The following C18orf54 variants were observed in gnomAD, a reference collection of about 807,000 sequenced individuals.
The protein encoded by C18orf54 is chromosome 18 open reading frame 54.
C18orf54 carries 49 observed loss-of-function variants against 49.3 expected under a neutral mutation model. The observed-to-expected ratio is 0.99, with a 90% CI of 0.79 to 1.26. The LOEUF is 1.26. C18orf54 is among the 50% of genes most tolerant of loss of function. The pLI, the probability that C18orf54 is intolerant of heterozygous loss-of-function variation, is 0.00. For missense variants in C18orf54, 687 were observed against 620.6 expected (o/e 1.11, Z -1.14); for synonymous variants, 211 against 216.6 (o/e 0.97, Z 0.23).
rs1229632323 is a variant in C18orf54 at position 54,362,217 on chromosome 18, T to G, written c.858T>G (p.Asp286Glu). 2 of 1,536,272 alleles carry G rather than the reference T, an allele frequency of 1.3e-6. No individual in the cohort carries two copies. Among genetic ancestry groups the G allele is most frequent in the African/African-American group, 2.7e-5 (2 of 73,060 alleles). Residue 286 changes from aspartate to glutamate, a missense_variant, in exon 4 of 9, where the codon GAT becomes GAG. Coordinates refer to ENST00000620105, the MANE Select transcript of C18orf54 (RefSeq NM_001288980.2). ...SQRVYQIFKDDQCSPRHSHQA... is the reference protein window; with the variant it reads ...SQRVYQIFKDEQCSPRHSHQA... ...GGGTTTATCAGATATTTAAAGATGATCAGTGTTCCCCTAGACATAGTCATC... is the reference window on the plus strand; with the variant it reads ...GGGTTTATCAGATATTTAAAGATGAGCAGTGTTCCCCTAGACATAGTCATC...
intron 8 of C18orf54, 70 bp downstream of exon 8, chr18:54,374,354 G>C (rs1013239740): frequency 1.4e-6 from 2 of 1,456,436 alleles, no homozygotes; most frequent in African/African-American, 2.9e-5. Flanking sequence ...AAAGTTACAG[G>C]GTAGAAGTAA....
At chr18:54,371,466 C>G (rs1274892600) in intron 6 of C18orf54, among the ~76,000 whole-genome samples, 2 of 152,130 alleles carry the variant, frequency 1.3e-5, no homozygotes, top group African/African-American at 4.8e-5. Flanking sequence ...ATACAAATAT[C>G]TACCCAAGTC....
intron 3 of C18orf54, among the ~76,000 whole-genome samples, chr18:54,361,297 A>G (rs975553727): frequency 1.3e-5 from 2 of 152,174 alleles, no homozygotes; most frequent in East Asian, 3.8e-4. Flanking sequence ...GTTTAATAGC[A>G]TATTTTTTTC....
chr18:54,371,223 G>A (rs1264293916), intron 6 of C18orf54, among the ~76,000 whole-genome samples: 1 of 151,840 alleles, frequency 6.6e-6, no homozygotes, highest in Non-Finnish European at 1.5e-5. Flanking sequence ...TAGGAACCTC[G>A]TGTAAGAAGA....
At chr18:54,375,360 G>A (rs981267603) in intron 8 of C18orf54, among the ~76,000 whole-genome samples, 1 of 151,224 alleles carries the variant, frequency 6.6e-6, no homozygotes, top group Non-Finnish European at 1.5e-5. Context: ...GCGGGATTCA[G>A]ATCAGGTAGT....
At chr18:54,362,979 A>C (rs1304447776) in intron 5 of C18orf54, 58 bp downstream of exon 5, 3 of 1,472,270 alleles carry the variant, frequency 2.0e-6, no homozygotes, top group Non-Finnish European at 2.8e-6. Flanking sequence ...TGTCATGCGA[A>C]TATCTGATTT....
chr18:54,366,226 T>G (rs1042679544), intron 6 of C18orf54, among the ~76,000 whole-genome samples: 1 of 151,950 alleles, frequency 6.6e-6, no homozygotes, highest in African/African-American at 2.4e-5. Flanking sequence ...CTAGGACTTA[T>G]TTTTTCTATC....
intron 6 of C18orf54, among the ~76,000 whole-genome samples, chr18:54,369,831 A>C (rs555570313): frequency 3.8e-4 from 58 of 152,168 alleles, no homozygotes; most frequent in Non-Finnish European, 7.4e-4. Context: ...TTCCAGAGTT[A>C]CTTAGGTTAT....
At position 54,361,607 on chromosome 18, in the gene C18orf54, T is replaced by A. The variant is rs752519706; in HGVS notation, c.284-36T>A. 4.0e-6 allele frequency: 6 copies of A among 1,491,308 alleles called. No individual in the cohort carries two copies. The East Asian group carries it at 1.4e-4, about 35-fold the overall frequency. The allele number at this position is 1,491,308 out of a possible 1,614,324, so 92.4% of individuals were successfully genotyped here. A position where few individuals can be genotyped will look rare whatever the true frequency, so the allele number is the denominator to read the frequency against. ...TTACTGTTGGATATTATAAAATATT[T>A]GTATGTAATAAACAAAACTGTTCTT... On this transcript the variant is annotated intron_variant, in intron 3 of 8. Transcript: ENST00000620105.
intron 7 of C18orf54, among the ~76,000 whole-genome samples, chr18:54,372,961 T>C (rs2089515206): frequency 6.6e-6 from 1 of 151,946 alleles, no homozygotes; most frequent in African/African-American, 2.4e-5. Context: ...TAGAAAACTT[T>C]TTCAACATTA....
intron 8 of C18orf54, 126 bp from the exon 9 acceptor site, chr18:54,378,048 A>T: frequency 2.0e-6 from 1 of 509,258 alleles, no homozygotes; most frequent in Non-Finnish European, 3.3e-6. Context: ...CTCAAAGTTT[A>T]TATAAATTTA....
chr18:54,365,763 C>T lies in C18orf54; in HGVS notation c.1268C>T (p.Thr423Ile), dbSNP rs946972654. Reference protein sequence around the residue: ...PVNSDDSPQQTSRAKSAKGVL... With the variant: ...PVNSDDSPQQISRAKSAKGVL... ...AACTCTGATGATAGTCCTCAACAAA[C>T]TTCAAGGGCAAAGAGTGCTAAAGGG... is the stretch of plus-strand genomic sequence containing the variant. The change falls in exon 6 of 9, where the codon ACT becomes ATT. Residue 423 changes from threonine to isoleucine, a missense_variant. By Grantham distance (89) the Thr-to-Ile change is moderately conservative. Transcript: ENST00000620105. 1.2e-6 allele frequency: 2 copies of T among 1,600,822 alleles called. No individual in the cohort carries two copies.
At chr18:54,358,284 G>A (rs970515156) in intron 1 of C18orf54, among the ~76,000 whole-genome samples, 2 of 152,268 alleles carry the variant, frequency 1.3e-5, no homozygotes, top group Admixed American at 1.3e-4. Flanking sequence ...TGTAGGGGGA[G>A]TGCCCCCTGG....
At chr18:54,363,567 C>G (rs1470703790) in intron 5 of C18orf54, among the ~76,000 whole-genome samples, 1 of 152,142 alleles carries the variant, frequency 6.6e-6, no homozygotes, top group African/African-American at 2.4e-5. Context: ...CCGCCCGCCT[C>G]TGCCTCCCAA....
In C18orf54 at chr18:54,361,947, T is replaced by A. The variant is rs1332449549; in HGVS notation, c.588T>A (p.Cys196Ter). The A allele has an allele frequency of 6.2e-7, 1 of 1,614,134 alleles. No individual in the cohort carries two copies. ...VIRSNINGKQCGRLKNPKLMN... is the reference protein window; with the variant it reads ...VIRSNINGKQ ...GCTCAAATATAAATGGAAAGCAATG[T>A]GGTAGGCTGAAAAACCCAAAACTTA... Residue 196 changes from cysteine to a stop codon, truncating the protein, a stop_gained, in exon 4 of 9, where the codon TGT (cysteine) becomes TGA (stop). Transcript: ENST00000620105. LOFTEE classifies it high-confidence loss of function.
chr18:54,363,776 A>G (rs909360811), intron 5 of C18orf54: 1 of 150,648 alleles, frequency 6.6e-6, no homozygotes, highest in East Asian at 1.9e-4. Flanking sequence ...CTAAACTTTC[A>G]TTCTGTTATA....
Position 54,379,936 on chromosome 18 carries a change from C to G in C18orf54, c.*1690C>G, listed in dbSNP as rs2144764726. 1 of 152,112 alleles carries G rather than the reference C, an allele frequency of 6.6e-6. No individual in the cohort carries two copies. The highest frequency in any genetic ancestry group is 1.9e-4 in the East Asian group (1 of 5,190). The allele number at this position is 152,112 out of a possible 1,614,324, so 9.4% of individuals were successfully genotyped here. On this transcript the variant is annotated 3_prime_UTR_variant, in exon 9 of 9. Transcript: ENST00000620105. Reference sequence around the variant, plus strand: ...TGCTCCTATTCATGAGAACATATCTCCAATACTAAATGAGATAAGCCTGTT... The same window carrying G: ...TGCTCCTATTCATGAGAACATATCTGCAATACTAAATGAGATAAGCCTGTT...
Position 54,381,154 on chromosome 18 carries a change from A to G in C18orf54, c.*2908A>G, listed in dbSNP as rs1157358985. The G allele has an allele frequency of 6.6e-6, 1 of 152,010 alleles. No individual in the cohort carries two copies. Among genetic ancestry groups the G allele is most frequent in the African/African-American group, 2.4e-5 (1 of 41,384 alleles). The allele number at this position is 152,010 out of a possible 1,614,324, so 9.4% of individuals were successfully genotyped here. A position where few individuals can be genotyped will look rare whatever the true frequency, so the allele number is the denominator to read the frequency against. On this transcript the variant is annotated 3_prime_UTR_variant, in exon 9 of 9. Transcript: ENST00000620105. ...GAACACATATAGAGCATATTGTTAG[A>G]TATTTTTCCTGTGACATTTGAAGTT...
At chr18:54,372,382 A>G (rs1017192799) in intron 6 of C18orf54, 84 bp from the exon 7 acceptor site, 9 of 1,208,660 alleles carry the variant, frequency 7.4e-6, no homozygotes, top group Middle Eastern at 2.1e-4. Flanking sequence ...TTAATTTTCT[A>G]TTGGGGAAAT....
Sources: gnomAD v4.1 joint callset for allele counts (sites outside exome capture counted in the v4.1 genomes callset) on GRCh38, gnomAD v4.1.1 for gene constraint, MANE v1.5 for transcripts, NCBI Gene and HGNC (gene_info 2026-07-23, HGNC 2026-07-21) for gene names.